Variants in LRRC8A observed in about 807,000 individuals in gnomAD.
LRRC8A encodes the protein volume-regulated anion channel subunit LRRC8A.
LRRC8A carries 24 observed loss-of-function variants against 52.5 expected under a neutral mutation model. The observed-to-expected ratio is 0.46, with a 90% CI of 0.33 to 0.64. The LOEUF is 0.64. Among genes scored for constraint, LRRC8A ranks in the 30% least tolerant of loss-of-function variants. The pLI is 0.02. For synonymous variants in LRRC8A, 492 were observed against 494.2 expected (o/e 1.00, Z 0.06); for missense variants, 677 against 1,094.7 (o/e 0.62, Z 5.38).
At chr9:128,895,387 T>G (rs943560636) in intron 2 of LRRC8A, among the ~76,000 whole-genome samples, 1 of 152,214 alleles carries the variant, frequency 6.6e-6, no homozygotes, top group African/African-American at 2.4e-5. Context: ...AAGCAGAGGC[T>G]TAGGCTAAAC....
intron 3 of LRRC8A, among the ~76,000 whole-genome samples, chr9:128,910,252 T>A (rs1274160393): frequency 6.6e-6 from 1 of 152,164 alleles, no homozygotes; most frequent in South Asian, 2.1e-4. Flanking sequence ...TAGTGAGACA[T>A]GTGGTGGAGG....
chr9:128,894,099 T>G (rs1022040868), intron 2 of LRRC8A, among the ~76,000 whole-genome samples: 5 of 152,032 alleles, frequency 3.3e-5, no homozygotes, highest in African/African-American at 1.2e-4. Flanking sequence ...CAGGCTGGTC[T>G]CAAACTCCTG....
At position 128,908,220 on chromosome 9, in the gene LRRC8A, G is replaced by A. The variant is rs752892182; in HGVS notation, c.1056G>A (p.Ser352=). The change falls in exon 3 of 4, where the codon TCG becomes TCA. Residue 352 remains serine (S), a synonymous_variant. Coordinates refer to ENST00000372600, the MANE Select transcript of LRRC8A (RefSeq NM_019594.4). Reference sequence around the variant, plus strand: ...TACGGCGCTCCCTCAAGAAGTACTCGTTTGAGTCGATCCGTGAGGAGAGCA... The same window carrying A: ...TACGGCGCTCCCTCAAGAAGTACTCATTTGAGTCGATCCGTGAGGAGAGCA... ...WMLRRSLKKY[S]FESIREESSY... The A allele has an allele frequency of 8.7e-6, 14 of 1,614,086 alleles. No individual in the cohort carries two copies. Among genetic ancestry groups the A allele is most frequent in the Middle Eastern group, 3.3e-4 (2 of 6,062 alleles).
chr9:128,888,035 A>T (rs1327270863), intron 2 of LRRC8A, among the ~76,000 whole-genome samples: 6 of 151,844 alleles, frequency 4.0e-5, no homozygotes, highest in Non-Finnish European at 8.8e-5. Flanking sequence ...CCTCCCCCTC[A>T]CATGCTGGGA....
intron 3 of LRRC8A, among the ~76,000 whole-genome samples, chr9:128,913,837 C>T (rs1376656882): frequency 6.6e-6 from 1 of 152,234 alleles, no homozygotes; most frequent in Non-Finnish European, 1.5e-5. Context: ...AAGCCAACCC[C>T]AAATGCATTC....
chr9:128,892,269 G>A lies in LRRC8A; in HGVS notation c.-9+6148G>A, dbSNP rs1434607568. 2.0e-5 allele frequency among the ~76,000 whole-genome samples: 3 copies of A among 152,168 alleles called. No homozygotes were observed. Among genetic ancestry groups the A allele is most frequent in the Non-Finnish European group, 2.9e-5 (2 of 68,020 alleles). ...CGCTCCTGCCCCAGCCTGGCAGGGC[G>A]AGGGCAGGTCCTGAGGCTGCACCTC... On this transcript the variant is annotated intron_variant, in intron 2 of 3. Transcript: ENST00000372600. The surrounding 1 kb of genome is among the most constrained non-coding windows in gnomAD (Gnocchi z 5.2).
At position 128,916,601 on chromosome 9, in the gene LRRC8A, G is replaced by C. The variant is rs564047475; in HGVS notation, c.*230G>C. 8.7e-6 allele frequency: 5 copies of C among 577,738 alleles called. No individual in the cohort carries two copies. Among genetic ancestry groups the C allele is most frequent in the African/African-American group, 3.7e-5 (2 of 53,962 alleles). 35.8% of individuals were successfully genotyped at this position (577,738 alleles called of 1,614,324 possible). ...CCCCAGGGCAAGTGCTTGTGGAGGA[G>C]AGCAAGTCTCAAGAGCGCAGTATTT... On this transcript the variant is annotated 3_prime_UTR_variant, in exon 4 of 4. Coordinates refer to ENST00000372600, the MANE Select transcript of LRRC8A (RefSeq NM_019594.4). The surrounding 1 kb of genome is among the most constrained non-coding windows in gnomAD (Gnocchi z 6.1).
intron 2 of LRRC8A, among the ~76,000 whole-genome samples, chr9:128,896,126 T>C (rs1839815425): frequency 6.6e-6 from 1 of 152,262 alleles, no homozygotes; most frequent in Non-Finnish European, 1.5e-5. Flanking sequence ...TGCATGCTTT[T>C]GTATCTTCGG....
chr9:128,883,367 A>G (rs1839211802), intron 1 of LRRC8A, among the ~76,000 whole-genome samples: 1 of 152,224 alleles, frequency 6.6e-6, no homozygotes, highest in South Asian at 2.1e-4. Flanking sequence ...GCAGACAGAC[A>G]GGCTGTAAGA....
Position 128,908,123 on chromosome 9 carries a change from T to C in LRRC8A, c.959T>C (p.Ile320Thr), listed in dbSNP as rs1348728271. The change falls in exon 3 of 4, where the codon ATC (isoleucine) becomes ACC (threonine). Residue 320 changes from isoleucine (I) to threonine (T), a missense_variant. By Grantham distance (89) the Ile-to-Thr change is moderately conservative (BLOSUM62 -1). Transcript: ENST00000372600. ...CACCCCCTGGCCACACTCTTCAAGA[T>C]CCTGGCGTCCTTCTACATCAGCCTA... Reference protein sequence around the residue: ...CAHPLATLFKILASFYISLVI... With the variant: ...CAHPLATLFKTLASFYISLVI... 1 of 1,613,978 alleles carries C rather than the reference T, an allele frequency of 6.2e-7. No homozygotes were observed. Among genetic ancestry groups the C allele is most frequent in the Admixed American group, 1.7e-5 (1 of 60,016 alleles).
chr9:128,911,838 C>T lies in LRRC8A; in HGVS notation c.2157+2517C>T, dbSNP rs566975786. On this transcript the variant is annotated intron_variant, in intron 3 of 3. Coordinates refer to ENST00000372600, the MANE Select transcript of LRRC8A (RefSeq NM_019594.4). The surrounding 1 kb of genome is among the most constrained non-coding windows in gnomAD (Gnocchi z 4.9). The stretch of plus-strand genomic sequence containing the variant: ...AACACCAGAGCCTTAATAGGGAAAA[C>T]AGTTCACTTGGGCCAACCCCAGGCA... 2.0e-5 allele frequency among the ~76,000 whole-genome samples: 3 copies of T among 152,364 alleles called. No individual in the cohort carries two copies. Among genetic ancestry groups the T allele is most frequent in the South Asian group, 2.1e-4 (1 of 4,830 alleles).
chr9:128,883,391 C>T (rs1344935575), intron 1 of LRRC8A, among the ~76,000 whole-genome samples: 1 of 152,192 alleles, frequency 6.6e-6, no homozygotes, highest in Non-Finnish European at 1.5e-5. Flanking sequence ...GGGAGGAGAT[C>T]GGCTGTTGCT....
intron 2 of LRRC8A, among the ~76,000 whole-genome samples, chr9:128,891,404 T>A (rs1054001815): frequency 3.3e-5 from 5 of 151,874 alleles, no homozygotes; most frequent in East Asian, 1.9e-4. Flanking sequence ...CTACAAAAAA[T>A]TTTTAAAAAT....
rs55995311 is a variant in LRRC8A at position 128,910,715 on chromosome 9, C to T, written c.2157+1394C>T. 7.5e-3 allele frequency among the ~76,000 whole-genome samples: 1,148 copies of T among 152,194 alleles called. 12 individuals carry two copies. Among genetic ancestry groups the T allele is most frequent in the African/African-American group, 0.027 (1,106 of 41,524 alleles). On this transcript the variant is annotated intron_variant, in intron 3 of 3. Coordinates refer to ENST00000372600, the MANE Select transcript of LRRC8A (RefSeq NM_019594.4). ...AAAGTAAAATGAAGAGCCCTGGAGC[C>T]GGCCATTGAAACATGGGGTTTATTT...
intron 3 of LRRC8A, among the ~76,000 whole-genome samples, chr9:128,910,526 C>T (rs775731047): frequency 6.6e-6 from 1 of 152,192 alleles, no homozygotes; most frequent in Non-Finnish European, 1.5e-5. Flanking sequence ...AACCCCATCT[C>T]TACCAAAAAT....
Position 128,908,251 on chromosome 9 carries a change from A to G in LRRC8A, c.1087A>G (p.Ser363Gly). 2 of 1,614,130 alleles carry G rather than the reference A, an allele frequency of 1.2e-6. No individual in the cohort carries two copies. The highest frequency in any genetic ancestry group is 1.7e-6 in the Non-Finnish European group (2 of 1,180,032). Reference protein sequence around the residue: ...FESIREESSYSDIPDVKNDFA... With the variant: ...FESIREESSYGDIPDVKNDFA... ...GTCGATCCGTGAGGAGAGCAGCTAC[A>G]GCGACATCCCCGACGTCAAGAACGA... Residue 363 changes from serine to glycine, a missense_variant, in exon 3 of 4, where the codon AGC (serine) becomes GGC (glycine). Coordinates refer to ENST00000372600, the MANE Select transcript of LRRC8A (RefSeq NM_019594.4).
Position 128,902,657 on chromosome 9 carries a change from G to T in LRRC8A, c.-8-4500G>T. Among the ~76,000 whole-genome samples the T allele has an allele frequency of 6.6e-6, 1 of 152,194 alleles. No individual in the cohort carries two copies. The highest frequency in any genetic ancestry group is 1.9e-4 in the East Asian group (1 of 5,190). On this transcript the variant is annotated intron_variant, in intron 2 of 3. Transcript: ENST00000372600. The surrounding 1 kb of genome is among the most constrained non-coding windows in gnomAD (Gnocchi z 4.1). Reference sequence around the variant, plus strand: ...TCCCTCTTCTGTTCCCCAGTCTTTAGGTCCTGGCCCTGGATGGGGACTCCA... The same window carrying T: ...TCCCTCTTCTGTTCCCCAGTCTTTATGTCCTGGCCCTGGATGGGGACTCCA...
At chr9:128,896,533 G>A (rs35270816) in intron 2 of LRRC8A, among the ~76,000 whole-genome samples, 9,267 of 152,146 alleles carry the variant, frequency 0.061, 428 homozygotes, top group Non-Finnish European at 0.089. Context: ...ATATGTGATC[G>A]TTTTAATTTA....
chr9:128,908,933 T>C lies in LRRC8A; in HGVS notation c.1769T>C (p.Met590Thr). 1 of 1,613,908 alleles carries C rather than the reference T, an allele frequency of 6.2e-7. No individual in the cohort carries two copies. Among genetic ancestry groups the C allele is most frequent in the Non-Finnish European group, 8.5e-7 (1 of 1,179,974 alleles). Residue 590 changes from methionine (M) to threonine (T), a missense_variant, in exon 3 of 4, where the codon ATG becomes ACG. Physicochemically the swap from Met to Thr is moderately conservative, Grantham distance 81. Coordinates refer to ENST00000372600, the MANE Select transcript of LRRC8A (RefSeq NM_019594.4). ...KLIVLNSLKK[M>T]ANLTELELIR... ...ATCGTCCTCAACAGCCTCAAGAAGA[T>C]GGCGAACCTGACTGAGCTGGAGCTG...
Sources: allele counts gnomAD v4.1 joint callset (sites outside exome capture counted in the v4.1 genomes callset), GRCh38; gene constraint gnomAD v4.1.1; non-coding constraint Gnocchi (gnomAD v3.1); transcripts MANE v1.5; gene names NCBI Gene and HGNC (gene_info 2026-07-23, HGNC 2026-07-21).